SPECC1: variants seen among roughly 807,000 people sequenced by gnomAD.
The protein encoded by SPECC1 is sperm antigen with calponin homology and coiled-coil domains 1.
Under a neutral mutation model 104.1 loss-of-function variants are expected in SPECC1, and 62 were observed. The ratio of observed to expected loss-of-function variants is 0.60; its 90% CI spans 0.49 to 0.74. The LOEUF is 0.74. Among genes scored for constraint, SPECC1 ranks in the 30% least tolerant of loss-of-function variants. The pLI is 0.00. For missense variants in SPECC1, 1,306 were observed against 1,310.5 expected, an observed-to-expected ratio of 1.00 and a Z score of 0.05; for synonymous variants, 513 against 501.6, an observed-to-expected ratio of 1.02 and a Z score of -0.30.
Position 20,306,049 on chromosome 17 carries a change from A to G in SPECC1, c.3084A>G (p.Glu1028=). 2 of 1,613,960 alleles carry G rather than the reference A, an allele frequency of 1.2e-6. No individual in the cohort carries two copies. Among genetic ancestry groups the G allele is most frequent in the South Asian group, 2.2e-5 (2 of 91,046 alleles). The change falls in exon 14 of 15, where the codon GAA becomes GAG. Residue 1028 remains glutamate, a synonymous_variant. Coordinates refer to ENST00000395527, the MANE Select transcript of SPECC1 (RefSeq NM_001243439.2). ...EKKRNLLLAF[E]AAESVGIKPS... ...AGAGGAATCTCTTGTTGGCATTTGAAGCGGCTGAAAGTGTAGGCATCAAAC... is the reference window on the plus strand; with the variant it reads ...AGAGGAATCTCTTGTTGGCATTTGAGGCGGCTGAAAGTGTAGGCATCAAAC...
At chr17:20,268,337 G>A (rs1304223120) in intron 12 of SPECC1, among the ~76,000 whole-genome samples, 1 of 152,122 alleles carries the variant, frequency 6.6e-6, no homozygotes, top group Non-Finnish European at 1.5e-5. Context: ...ACTGAATTTT[G>A]CTTTGAATCT....
rs757259612 is a variant in SPECC1 at position 20,096,699 on chromosome 17, C to T, written c.48C>T (p.Gly16=). The change falls in exon 2 of 15, where the codon GGC becomes GGT. Residue 16 remains glycine, a synonymous_variant. Transcript: ENST00000395527. ...GGAACCCAGCCATCAGAGCAGGGGG[C>T]CACGGCCCAGACCGGGTGCGGCCTC... ...KPWNPAIRAG[G]HGPDRVRPLP... is the part of the protein sequence containing the mutation. 1.2e-6 allele frequency: 2 copies of T among 1,614,198 alleles called. No homozygotes were observed. The highest frequency in any genetic ancestry group is 1.7e-6 in the Non-Finnish European group (2 of 1,180,004).
intron 3 of SPECC1, among the ~76,000 whole-genome samples, chr17:20,165,926 A>G (rs775375564): frequency 6.6e-6 from 1 of 151,892 alleles, no homozygotes; most frequent in Non-Finnish European, 1.5e-5. Context: ...AGTTCCTTGT[A>G]GATTCTGGAT....
intron 1 of SPECC1, among the ~76,000 whole-genome samples, chr17:20,072,207 G>A (rs1205174953): frequency 6.6e-6 from 1 of 152,234 alleles, no homozygotes; most frequent in Non-Finnish European, 1.5e-5. Flanking sequence ...GGAGAGTGAA[G>A]CTACGAGGTG....
chr17:20,062,952 T>C (rs1181374446), intron 1 of SPECC1, among the ~76,000 whole-genome samples: 1 of 152,120 alleles, frequency 6.6e-6, no homozygotes, highest in Non-Finnish European at 1.5e-5. Context: ...CCTCCTAAAG[T>C]GCTGGAATTA....
At chr17:20,268,812 C>T (rs541458423) in intron 12 of SPECC1, among the ~76,000 whole-genome samples, 2 of 152,196 alleles carry the variant, frequency 1.3e-5, no homozygotes, top group South Asian at 2.1e-4. Flanking sequence ...TCCTGGTGGC[C>T]GTGTTTCTGG....
chr17:20,205,344 G>A lies in SPECC1; in HGVS notation c.1295G>A (p.Arg432Lys). The A allele has an allele frequency of 6.2e-7, 1 of 1,614,108 alleles. No homozygotes were observed. The change falls in exon 4 of 15, where the codon AGG becomes AAG. Residue 432 changes from arginine (R) to lysine (K), a missense_variant. This residue lies in a region of SPECC1 where 1,177 missense variants were observed against 1,139.9 expected (regional missense o/e 1.03). Transcript: ENST00000395527. Reference protein sequence around the residue: ...LETSFHQHRERAEQLSQENEK... With the variant: ...LETSFHQHREKAEQLSQENEK... ...ACATCCTTTCATCAGCATCGAGAGA[G>A]GGCAGAGCAGCTAAGTCAAGAAAAT...
chr17:20,104,713 A>G (rs1020353806), intron 2 of SPECC1, among the ~76,000 whole-genome samples: 1 of 140,726 alleles, frequency 7.1e-6, no homozygotes, highest in Non-Finnish European at 1.5e-5. Flanking sequence ...ACTGCACTCC[A>G]GCTTGGGTGA....
intron 1 of SPECC1, among the ~76,000 whole-genome samples, chr17:20,028,523 T>G (rs1461927635): frequency 6.6e-6 from 1 of 152,094 alleles, no homozygotes; most frequent in Non-Finnish European, 1.5e-5. Flanking sequence ...CATAGATGTT[T>G]AGGCTTGTTT....
rs192940111 is a variant in SPECC1, at chr17:20,318,890, G to A, written c.*4825G>A. On this transcript the variant is annotated 3_prime_UTR_variant, in exon 15 of 15. Transcript: ENST00000395527. Reference sequence around the variant, plus strand: ...GTGTAGTTGATACATCTGTGGCCTCGTGTCTATAAAGAGCACACTAGATTG... The same window carrying A: ...GTGTAGTTGATACATCTGTGGCCTCATGTCTATAAAGAGCACACTAGATTG... 21 of 193,704 alleles carry A rather than the reference G, an allele frequency of 1.1e-4. No individual in the cohort carries two copies. The highest frequency in any genetic ancestry group is 8.9e-4 in the East Asian group (11 of 12,380). 12.0% of individuals were successfully genotyped at this position (193,704 alleles called of 1,614,324 possible).
At chr17:20,174,225 G>C (rs945812083) in intron 3 of SPECC1, among the ~76,000 whole-genome samples, 1 of 151,872 alleles carries the variant, frequency 6.6e-6, no homozygotes, top group Non-Finnish European at 1.5e-5. Context: ...CACTACACCT[G>C]GCTGGCAGTT....
intron 12 of SPECC1, among the ~76,000 whole-genome samples, chr17:20,279,366 AG>A (rs1567602987): frequency 2.3e-5 from 3 of 128,014 alleles, no homozygotes; most frequent in African/African-American, 9.2e-5. Flanking sequence ...CTTGTTGCCC[AG>A]GCTGGAGTGC....
At chr17:20,038,055 G>A (rs2045163623) in intron 1 of SPECC1, among the ~76,000 whole-genome samples, 1 of 152,042 alleles carries the variant, frequency 6.6e-6, no homozygotes, top group Non-Finnish European at 1.5e-5. Flanking sequence ...AATGTGTAGA[G>A]TTGTTTCTAA....
intron 12 of SPECC1, among the ~76,000 whole-genome samples, chr17:20,293,670 A>C (rs139725170): frequency 2.0e-5 from 3 of 152,134 alleles, no homozygotes; most frequent in Non-Finnish European, 4.4e-5. Flanking sequence ...AGACTTGCCC[A>C]TTTCTTCTTG....
intron 1 of SPECC1, among the ~76,000 whole-genome samples, chr17:20,051,056 TTC>T (rs1355889918): frequency 7.3e-6 from 1 of 136,060 alleles, no homozygotes; most frequent in Non-Finnish European, 1.7e-5. Context: ...GGTTCTTTCT[TTC>T]TTTCTTTCTT....
chr17:20,290,634 C>T (rs2041132080), intron 12 of SPECC1, among the ~76,000 whole-genome samples: 1 of 152,180 alleles, frequency 6.6e-6, no homozygotes, highest in Non-Finnish European at 1.5e-5. Context: ...CCCTCTTCAG[C>T]CTCCTGAATA....
intron 3 of SPECC1, among the ~76,000 whole-genome samples, chr17:20,184,657 A>G (rs570046614): frequency 8.7e-4 from 132 of 152,346 alleles, no homozygotes; most frequent in Non-Finnish European, 8.8e-5. Context: ...GACCTACTGT[A>G]TATAGTTTCA....
chr17:20,266,793 T>C (rs1019823000), intron 12 of SPECC1, among the ~76,000 whole-genome samples: 2 of 152,116 alleles, frequency 1.3e-5, no homozygotes, highest in African/African-American at 4.8e-5. Flanking sequence ...AATGGTACAA[T>C]TTATACATAG....
intron 3 of SPECC1, among the ~76,000 whole-genome samples, chr17:20,115,010 T>C (rs1468193697): frequency 6.6e-6 from 1 of 152,214 alleles, no homozygotes; most frequent in African/African-American, 2.4e-5. Context: ...ATTCACTCAC[T>C]TAAAGGTACC....
Sources: allele counts gnomAD v4.1 joint callset (sites outside exome capture counted in the v4.1 genomes callset), GRCh38; gene constraint gnomAD v4.1.1; regional missense constraint gnomAD v4.1.1; transcripts MANE v1.5; gene names NCBI Gene and HGNC (gene_info 2026-07-23, HGNC 2026-07-21).